Variants in FBXL17 observed in about 807,000 individuals in gnomAD.
FBXL17 encodes F-box and leucine rich repeat protein 17.
Under a neutral mutation model 66.2 loss-of-function variants are expected in FBXL17, and 22 were observed. The ratio of observed to expected loss-of-function variants is 0.33; its 90% CI spans 0.24 to 0.47. The LOEUF (loss-of-function observed/expected upper bound fraction) is 0.47, where lower values mean the gene tolerates loss of function less well. Among genes scored for constraint, FBXL17 ranks in the 20% least tolerant of loss-of-function variants. FBXL17 has a pLI of 1.00. For missense variants in FBXL17, 878 were observed against 948.2 expected (o/e 0.93, Z 0.97); for synonymous variants, 474 against 400.5 (o/e 1.18, Z -2.19).
intron 7 of FBXL17, among the ~76,000 whole-genome samples, chr5:107,933,616 C>T (rs1750802846): frequency 6.6e-6 from 1 of 152,130 alleles, no homozygotes; most frequent in Non-Finnish European, 1.5e-5. Flanking sequence ...CCTGAATAGA[C>T]TTAAATGTAG....
intron 4 of FBXL17, among the ~76,000 whole-genome samples, chr5:108,266,517 T>C (rs998601535): frequency 4.6e-5 from 7 of 152,110 alleles, no homozygotes; most frequent in East Asian, 1.9e-4. Flanking sequence ...AGTGCTTATG[T>C]TGAAGTAACT....
intron 4 of FBXL17, among the ~76,000 whole-genome samples, chr5:108,333,099 A>ATT (rs1760207159): frequency 6.7e-6 from 1 of 149,088 alleles, no homozygotes; most frequent in Non-Finnish European, 1.5e-5. Flanking sequence ...GAAGCAAAAC[A>ATT]TACAATAATT....
chr5:108,148,601 A>G (rs577583671), intron 6 of FBXL17, among the ~76,000 whole-genome samples: 1 of 152,330 alleles, frequency 6.6e-6, no homozygotes, highest in East Asian at 1.9e-4. Context: ...ACATCTATAT[A>G]AAGAAACAAA....
chr5:108,044,628 G>C lies in FBXL17; in HGVS notation c.1746-23627C>G, dbSNP rs2909881. Among the ~76,000 whole-genome samples, 3 of 152,184 alleles carry C rather than the reference G, an allele frequency of 2.0e-5. No individual in the cohort carries two copies. The East Asian group carries it at 5.8e-4, about 29-fold the overall frequency. On this transcript the variant is annotated intron_variant, in intron 6 of 8. Transcript: ENST00000542267. ...GTGTATTTTTTTCTGATTTTGCTCAGCAGGGTAATATTAACTTTATAAAAT... is the reference window on the plus strand; with the variant it reads ...GTGTATTTTTTTCTGATTTTGCTCACCAGGGTAATATTAACTTTATAAAAT...
At chr5:108,193,557 G>A (rs1214207659) in intron 5 of FBXL17, among the ~76,000 whole-genome samples, 1 of 152,080 alleles carries the variant, frequency 6.6e-6, no homozygotes, top group African/African-American at 2.4e-5. Flanking sequence ...ACAAGGGAGG[G>A]AACAAGGGGT....
intron 4 of FBXL17, chr5:108,302,191 T>G (rs1758621257): frequency 5.7e-6 from 1 of 176,888 alleles, no homozygotes; most frequent in African/African-American, 2.4e-5. Context: ...TACACTAAAA[T>G]CAAGACAAAG....
At chr5:108,175,667 C>T (rs1001741548) in intron 6 of FBXL17, among the ~76,000 whole-genome samples, 2 of 152,164 alleles carry the variant, frequency 1.3e-5, no homozygotes, top group Admixed American at 6.5e-5. Flanking sequence ...AAACACTTCC[C>T]TTTCCTAATC....
intron 6 of FBXL17, among the ~76,000 whole-genome samples, chr5:108,129,910 A>G (rs1237915344): frequency 1.4e-5 from 2 of 140,492 alleles, no homozygotes; most frequent in Middle Eastern, 7.7e-3. Flanking sequence ...CCCATTTTTT[A>G]ACCACATTTA....
At chr5:108,349,747 C>T (rs1475300284) in intron 3 of FBXL17, among the ~76,000 whole-genome samples, 2 of 152,078 alleles carry the variant, frequency 1.3e-5, no homozygotes, top group African/African-American at 2.4e-5. Context: ...ATACAAGAAA[C>T]CATGATTTTG....
chr5:107,862,396 T>TTG (rs1748149601), intron 8 of FBXL17, among the ~76,000 whole-genome samples: 1 of 152,124 alleles, frequency 6.6e-6, no homozygotes, highest in African/African-American at 2.4e-5. Flanking sequence ...AATTAAAACA[T>TTG]ACATGGCTGG....
chr5:108,125,578 T>G (rs1349832047), intron 6 of FBXL17, among the ~76,000 whole-genome samples: 1 of 152,032 alleles, frequency 6.6e-6, no homozygotes, highest in Non-Finnish European at 1.5e-5. Context: ...GAGTATTCTA[T>G]GGAGGGTGGC....
intron 7 of FBXL17, among the ~76,000 whole-genome samples, chr5:107,894,762 G>C (rs974510694): frequency 1.3e-5 from 2 of 151,960 alleles, no homozygotes; most frequent in Non-Finnish European, 2.9e-5. Flanking sequence ...AAATGTATTT[G>C]TTTTTACATA....
intron 4 of FBXL17, among the ~76,000 whole-genome samples, chr5:108,346,719 G>T (rs1468779094): frequency 6.6e-6 from 1 of 152,070 alleles, no homozygotes; most frequent in Non-Finnish European, 1.5e-5. Context: ...ACAACTTAAA[G>T]ATACAGTGTC....
chr5:108,377,474 G>T lies in FBXL17; in HGVS notation c.993+3225C>A, dbSNP rs554164039. Among the ~76,000 whole-genome samples the T allele has an allele frequency of 5.8e-4, 88 of 152,336 alleles. 1 individual carries two copies. The highest frequency in any genetic ancestry group is 2.9e-3 in the East Asian group (15 of 5,188). ...CAAATTGAATCAGCTGTCTGACAGC[G>T]AAGCTGCTGGTTTTCCAAACTACAA... On this transcript the variant is annotated intron_variant, in intron 1 of 8. Transcript: ENST00000542267.
At chr5:108,261,939 T>C (rs954151387) in intron 4 of FBXL17, among the ~76,000 whole-genome samples, 1 of 151,872 alleles carries the variant, frequency 6.6e-6, no homozygotes, top group Non-Finnish European at 1.5e-5. Flanking sequence ...TATTAATAAA[T>C]ATTTATAAAC....
At chr5:107,993,704 T>C (rs191583851) in intron 7 of FBXL17, among the ~76,000 whole-genome samples, 3 of 152,348 alleles carry the variant, frequency 2.0e-5, no homozygotes, top group Admixed American at 2.0e-4. Flanking sequence ...ACATGTTTTA[T>C]GTTTAAAAGG....
At chr5:108,154,588 T>G (rs1344223821) in intron 6 of FBXL17, among the ~76,000 whole-genome samples, 1 of 84,024 alleles carries the variant, frequency 1.2e-5, no homozygotes, top group Admixed American at 1.2e-4. Context: ...GAAACTCAGT[T>G]TCAAAAAAAA....
chr5:108,203,494 T>C (rs1010640068), intron 5 of FBXL17, among the ~76,000 whole-genome samples: 1 of 152,112 alleles, frequency 6.6e-6, no homozygotes, highest in African/African-American at 2.4e-5. Flanking sequence ...TCTTAACTGC[T>C]AAAAAGCTAA....
chr5:107,941,650 T>C (rs187574291), intron 7 of FBXL17, among the ~76,000 whole-genome samples: 129 of 152,264 alleles, frequency 8.5e-4, no homozygotes, highest in African/African-American at 3.1e-3. Flanking sequence ...CAAGACTTGG[T>C]GACTAAGGAC....
Sources: allele counts gnomAD v4.1 joint callset (sites outside exome capture counted in the v4.1 genomes callset), GRCh38; gene constraint gnomAD v4.1.1; transcripts MANE v1.5; gene names NCBI Gene and HGNC (gene_info 2026-07-23, HGNC 2026-07-21).